SCHIP1: variants seen among roughly 807,000 people sequenced by gnomAD.
SCHIP1 encodes schwannomin-interacting protein 1.
A neutral mutation model predicts 29.7 loss-of-function variants in SCHIP1; 8 were observed. The ratio of observed to expected loss-of-function variants is 0.27; its 90% CI spans 0.16 to 0.49. SCHIP1 has a LOEUF of 0.49. SCHIP1 is among the 20% of genes least tolerant of loss of function. The pLI, the probability that SCHIP1 is intolerant of heterozygous loss-of-function variation, is 0.99. For synonymous variants in SCHIP1, 76 were observed against 94.9 expected (o/e 0.80, Z 1.16); for missense variants, 193 against 294.6 (o/e 0.66, Z 2.52).
chr3:159,802,982 G>A, the SCHIP1 span, among the ~76,000 whole-genome samples: 1 of 152,158 alleles, frequency 6.6e-6, no homozygotes. Context: ...TTGACTGTAG[G>A]AAGGAGAAAG....
chr3:159,399,457 G>C, the SCHIP1 span, among the ~76,000 whole-genome samples: 310 of 152,266 alleles, frequency 2.0e-3, no homozygotes, highest in African/African-American at 6.8e-3. Flanking sequence ...GCCCAGAACA[G>C]TGCTTGGGAC....
the SCHIP1 span, among the ~76,000 whole-genome samples, chr3:159,574,829 TC>T: frequency 3.3e-5 from 5 of 152,150 alleles, no homozygotes; most frequent in African/African-American, 9.7e-5. Flanking sequence ...CAGACGCCCC[TC>T]CCCAACCAGG....
chr3:159,542,895 C>A, the SCHIP1 span, among the ~76,000 whole-genome samples: 16 of 152,018 alleles, frequency 1.1e-4, no homozygotes, highest in Admixed American at 7.9e-4. Flanking sequence ...GTTGTTTCTG[C>A]ATCAAAATTA....
the SCHIP1 span, among the ~76,000 whole-genome samples, chr3:159,329,249 C>T: frequency 6.6e-6 from 1 of 152,166 alleles, no homozygotes; most frequent in Non-Finnish European, 1.5e-5. Context: ...CACATAATTT[C>T]TCCTGCCCAG....
chr3:159,402,522 G>A, the SCHIP1 span, among the ~76,000 whole-genome samples: 1 of 152,122 alleles, frequency 6.6e-6, no homozygotes, highest in Non-Finnish European at 1.5e-5. Context: ...CAAAGACTTG[G>A]AACCAACCCA....
the SCHIP1 span, among the ~76,000 whole-genome samples, chr3:159,304,763 T>C: frequency 6.6e-6 from 1 of 152,218 alleles, no homozygotes; most frequent in African/African-American, 2.4e-5. Flanking sequence ...CCTGGGAATA[T>C]TGGCCTGTGT....
the SCHIP1 span, among the ~76,000 whole-genome samples, chr3:159,393,946 G>A: frequency 6.6e-6 from 1 of 152,128 alleles, no homozygotes; most frequent in Non-Finnish European, 1.5e-5. Context: ...CTACCCATGA[G>A]CATGGGATGT....
At chr3:159,653,946 A>G in the SCHIP1 span, among the ~76,000 whole-genome samples, 425 of 152,130 alleles carry the variant, frequency 2.8e-3, 1 homozygote, top group Middle Eastern at 0.01. Flanking sequence ...TATCTCATGT[A>G]CCCCCTAAAA....
chr3:159,775,114 C>A, the SCHIP1 span, among the ~76,000 whole-genome samples: 2 of 152,150 alleles, frequency 1.3e-5, no homozygotes, highest in South Asian at 4.1e-4. Flanking sequence ...CAGCTGATTT[C>A]TGCAAATTCA....
At chr3:159,570,221 G>A in the SCHIP1 span, among the ~76,000 whole-genome samples, 11 of 152,156 alleles carry the variant, frequency 7.2e-5, no homozygotes, top group Non-Finnish European at 1.2e-4. Flanking sequence ...CCTTGCCCAT[G>A]CCTATGTCCT....
the SCHIP1 span, among the ~76,000 whole-genome samples, chr3:159,353,583 C>G: frequency 6.6e-6 from 1 of 152,104 alleles, no homozygotes; most frequent in Admixed American, 6.6e-5. Context: ...ACTTACTTGT[C>G]TGTCGTATAC....
chr3:159,835,845 T>C (rs1212967691), upstream of SCHIP1, among the ~76,000 whole-genome samples: 2 of 152,178 alleles, frequency 1.3e-5, no homozygotes, highest in African/African-American at 2.4e-5. Context: ...TTTACTATTA[T>C]ATTTATTGTC....
chr3:159,514,613 C>T, the SCHIP1 span, among the ~76,000 whole-genome samples: 25 of 152,298 alleles, frequency 1.6e-4, no homozygotes, highest in African/African-American at 5.5e-4. Context: ...AGTCACCAAC[C>T]TTCTATTGTG....
the SCHIP1 span, among the ~76,000 whole-genome samples, chr3:159,421,272 G>A: frequency 6.6e-6 from 1 of 152,190 alleles, no homozygotes; most frequent in Non-Finnish European, 1.5e-5. Context: ...TACAAGGGCA[G>A]TAGTTTTAGT....
At chr3:159,616,181 T>TTTTTG in the SCHIP1 span, among the ~76,000 whole-genome samples, 2 of 152,164 alleles carry the variant, frequency 1.3e-5, no homozygotes, top group South Asian at 2.1e-4. Context: ...CAAGATAGCA[T>TTTTTG]TTTTGTTTTG....
chr3:159,508,898 G>A, the SCHIP1 span, among the ~76,000 whole-genome samples: 25 of 152,214 alleles, frequency 1.6e-4, no homozygotes, highest in East Asian at 9.7e-4. Context: ...CTATGTGGTC[G>A]ATTTTGGAAT....
the SCHIP1 span, among the ~76,000 whole-genome samples, chr3:159,336,901 G>A: frequency 1.3e-5 from 2 of 152,070 alleles, no homozygotes; most frequent in African/African-American, 4.8e-5. Context: ...TAGCTTGATG[G>A]GGATGGCATT....
chr3:159,678,096 T>C, the SCHIP1 span, among the ~76,000 whole-genome samples: 1 of 152,264 alleles, frequency 6.6e-6, no homozygotes, highest in African/African-American at 2.4e-5. Context: ...AGGGCAGGAA[T>C]ATTCCAAATA....
the SCHIP1 span, among the ~76,000 whole-genome samples, chr3:159,569,553 G>C: frequency 1.3e-5 from 2 of 151,982 alleles, no homozygotes; most frequent in African/African-American, 2.4e-5. Flanking sequence ...CACATTTTCT[G>C]TATCTAGTCT....
Sources: gnomAD v4.1 joint callset for allele counts (sites outside exome capture counted in the v4.1 genomes callset) on GRCh38, gnomAD v4.1.1 for gene constraint, MANE v1.5 for transcripts, NCBI Gene and HGNC (gene_info 2026-07-23, HGNC 2026-07-21) for gene names.